The following NRXN3 variants were observed in gnomAD, a reference collection of about 807,000 sequenced individuals.
The protein encoded by NRXN3 is neurexin III.
A neutral mutation model predicts 137.6 loss-of-function variants in NRXN3; 32 were observed. That is an observed-to-expected ratio of 0.23 (90% CI 0.18 to 0.31). The LOEUF is 0.31. Among genes scored for constraint, NRXN3 ranks in the 10% least tolerant of loss-of-function variants. The pLI, the probability that NRXN3 is intolerant of heterozygous loss-of-function variation, is 1.00. For synonymous variants in NRXN3, 798 were observed against 784.5 expected (o/e 1.02, Z -0.29); for missense variants, 1,574 against 2,062.5 (o/e 0.76, Z 4.59).
rs543104261 is a variant in NRXN3, at chr14:79,801,729, C to T, written c.4015-3383C>T. On this transcript the variant is annotated intron_variant, in intron 19 of 20. Coordinates refer to ENST00000335750, the MANE Select transcript of NRXN3 (RefSeq NM_001330195.2). ...TACTGGTAAAATGTGGTTCTGTTGC[C>T]TGGGAAGAACACTGTATTCACATGT... Among the ~76,000 whole-genome samples, 3 of 152,236 alleles carry T rather than the reference C, an allele frequency of 2.0e-5. No homozygotes were observed. The South Asian group carries it at 6.2e-4, about 32-fold the overall frequency.
chr14:79,064,851 C>T (rs2099678861), intron 15 of NRXN3, among the ~76,000 whole-genome samples: 1 of 148,154 alleles, frequency 6.7e-6, no homozygotes, highest in African/African-American at 2.5e-5. Flanking sequence ...AATTAAACAC[C>T]TTTAGGTGTA....
In NRXN3 at chr14:79,863,047, A is replaced by C. The variant is rs905511222; in HGVS notation, c.*1083A>C. On this transcript the variant is annotated 3_prime_UTR_variant, in exon 21 of 21. Coordinates refer to ENST00000335750, the MANE Select transcript of NRXN3 (RefSeq NM_001330195.2). Reference sequence around the variant, plus strand: ...AAGACAATATTAAAGTCTGTTATCAAACCAGACAGTAGGGGAGTTCAACTC... The same window carrying C: ...AAGACAATATTAAAGTCTGTTATCACACCAGACAGTAGGGGAGTTCAACTC... The C allele has an allele frequency of 6.6e-6, 1 of 152,620 alleles. No homozygotes were observed. The highest frequency in any genetic ancestry group is 2.4e-5 in the African/African-American group (1 of 41,440). 9.5% of individuals were successfully genotyped at this position (152,620 alleles called of 1,614,324 possible). A position where few individuals can be genotyped will look rare whatever the true frequency, so the allele number is the denominator to read the frequency against.
rs765978465 is a variant in NRXN3, at chr14:79,467,257, T to A, written c.3299T>A (p.Leu1100His). The stretch of plus-strand genomic sequence containing the variant: ...TACATCTTTGGGAAAAGTGGTGGGC[T>A]TATCCTCTACACCTGGCCAGCCAAT... ...ATYIFGKSGG[L>H]ILYTWPANDR... Residue 1100 changes from leucine (L) to histidine (H), a missense_variant, in exon 16 of 21, where the codon CTT becomes CAT. This residue lies in a region of NRXN3 where 133 missense variants were observed against 241.8 expected (regional missense o/e 0.55). Coordinates refer to ENST00000335750, the MANE Select transcript of NRXN3 (RefSeq NM_001330195.2). 1 of 1,610,266 alleles carries A rather than the reference T, an allele frequency of 6.2e-7. No homozygotes were observed. The highest frequency in any genetic ancestry group is 2.2e-5 in the East Asian group (1 of 44,722).
At chr14:78,953,957 C>T (rs1442705154) in intron 10 of NRXN3, among the ~76,000 whole-genome samples, 1 of 152,086 alleles carries the variant, frequency 6.6e-6, no homozygotes, top group Non-Finnish European at 1.5e-5. Context: ...TTGTCTGAAC[C>T]ATCCTTTACT....
chr14:78,228,248 C>T (rs1262930409), intron 1 of NRXN3, among the ~76,000 whole-genome samples: 1 of 151,590 alleles, frequency 6.6e-6, no homozygotes, highest in East Asian at 1.9e-4. Flanking sequence ...CCTCCGCCTC[C>T]CAGGTTCAAG....
chr14:79,510,825 G>A (rs1332237733), intron 16 of NRXN3, among the ~76,000 whole-genome samples: 1 of 152,136 alleles, frequency 6.6e-6, no homozygotes, highest in Non-Finnish European at 1.5e-5. Flanking sequence ...ATATCTCAAG[G>A]CAGCGTGGCA....
At chr14:78,346,788 C>T (rs1206645550) in intron 4 of NRXN3, among the ~76,000 whole-genome samples, 2 of 152,162 alleles carry the variant, frequency 1.3e-5, no homozygotes, top group Admixed American at 1.3e-4. Flanking sequence ...AAATGCCTGC[C>T]CCCAAGTGAG....
At chr14:78,998,302 G>A (rs1372513437) in intron 15 of NRXN3, among the ~76,000 whole-genome samples, 2 of 152,150 alleles carry the variant, frequency 1.3e-5, no homozygotes, top group Non-Finnish European at 2.9e-5. Context: ...GAAGGTAGCA[G>A]GAGAAGACAT....
chr14:78,565,390 G>T (rs2096827626), intron 4 of NRXN3, among the ~76,000 whole-genome samples: 1 of 152,198 alleles, frequency 6.6e-6, no homozygotes, highest in Non-Finnish European at 1.5e-5. Flanking sequence ...CAGTGTGAGA[G>T]AATTTTTAAA....
Position 78,181,723 on chromosome 14 carries a change from T to A in NRXN3, c.-704+11049T>A, listed in dbSNP as rs1458412192. On this transcript the variant is annotated intron_variant, in intron 1 of 20. Transcript: ENST00000335750. ...CAGCAACCATCCTGAGTCTTCCCCC[T>A]GGGATTGGTGAAACAGCTACTTTGG... Among the ~76,000 whole-genome samples the A allele has an allele frequency of 2.0e-5, 3 of 152,310 alleles. No individual in the cohort carries two copies. The East Asian group carries it at 5.8e-4, about 29-fold the overall frequency.
At chr14:78,230,330 C>CTG (rs1400909647) in intron 1 of NRXN3, among the ~76,000 whole-genome samples, 11 of 106,718 alleles carry the variant, frequency 1.0e-4, no homozygotes, top group Non-Finnish European at 1.7e-4. Context: ...CTCTGTCTGT[C>CTG]TCTCTCTCTC....
chr14:78,445,000 G>A (rs2094378350), intron 4 of NRXN3, among the ~76,000 whole-genome samples: 2 of 151,212 alleles, frequency 1.3e-5, no homozygotes, highest in African/African-American at 2.4e-5. Flanking sequence ...ATACAAGGCA[G>A]GTTGTAAGTT....
intron 19 of NRXN3, among the ~76,000 whole-genome samples, chr14:79,728,604 C>T (rs1034591123): frequency 6.6e-6 from 1 of 152,204 alleles, no homozygotes; most frequent in Non-Finnish European, 1.5e-5. Flanking sequence ...CATTGGTTCT[C>T]AGTGCAGTAC....
At chr14:79,353,601 C>T (rs1192739444) in intron 15 of NRXN3, among the ~76,000 whole-genome samples, 1 of 152,096 alleles carries the variant, frequency 6.6e-6, no homozygotes, top group African/African-American at 2.4e-5. Context: ...AGTGTTCTAT[C>T]CAACAGGCTA....
At chr14:79,523,721 T>G (rs1260121588) in intron 16 of NRXN3, among the ~76,000 whole-genome samples, 1 of 152,236 alleles carries the variant, frequency 6.6e-6, no homozygotes, top group Non-Finnish European at 1.5e-5. Context: ...TAATGAAGGC[T>G]CAAGGCGGAG....
chr14:78,725,922 C>T lies in NRXN3; in HGVS notation c.2044+10783C>T, dbSNP rs184066069. Among the ~76,000 whole-genome samples, 216 of 152,260 alleles carry T rather than the reference C, an allele frequency of 1.4e-3. 1 individual carries two copies. The highest frequency in any genetic ancestry group is 5.0e-3 in the African/African-American group (208 of 41,574). ...AACTACATAAGATATGTGCTATTTTCATTCTTAATTTATATCTGAGGAATT... is the reference window on the plus strand; with the variant it reads ...AACTACATAAGATATGTGCTATTTTTATTCTTAATTTATATCTGAGGAATT... On this transcript the variant is annotated intron_variant, in intron 8 of 20. Transcript: ENST00000335750.
chr14:78,860,190 A>G (rs1412874013), intron 10 of NRXN3, among the ~76,000 whole-genome samples: 3 of 152,172 alleles, frequency 2.0e-5, no homozygotes, highest in Non-Finnish European at 4.4e-5. Flanking sequence ...TGCACTGGGT[A>G]CCTTATATGC....
intron 4 of NRXN3, among the ~76,000 whole-genome samples, chr14:78,592,239 G>T (rs1449034420): frequency 3.3e-5 from 5 of 152,098 alleles, no homozygotes; most frequent in African/African-American, 7.2e-5. Context: ...GATGGCAAGT[G>T]ATTTCTTTTT....
At chr14:78,876,072 T>A (rs1949001738) in intron 10 of NRXN3, among the ~76,000 whole-genome samples, 1 of 152,202 alleles carries the variant, frequency 6.6e-6, no homozygotes, top group Non-Finnish European at 1.5e-5. Flanking sequence ...TTGTATTCCC[T>A]TTAAGAGAAT....
Sources: gnomAD v4.1 joint callset for allele counts (sites outside exome capture counted in the v4.1 genomes callset) on GRCh38, gnomAD v4.1.1 for gene constraint, gnomAD v4.1.1 regional missense constraint, MANE v1.5 for transcripts, NCBI Gene and HGNC (gene_info 2026-07-23, HGNC 2026-07-21) for gene names.